The following CYP2R1 variants were observed in gnomAD, a reference collection of about 807,000 sequenced individuals.
The protein encoded by CYP2R1 is vitamin D 25-hydroxylase.
In CYP2R1, 40 loss-of-function variants were observed where a neutral mutation model predicts 45.7. The ratio of observed to expected loss-of-function variants is 0.87; its 90% CI spans 0.68 to 1.14. CYP2R1 has a LOEUF of 1.14. Ranked by LOEUF, CYP2R1 falls within the 50% of genes most tolerant of loss-of-function variation. CYP2R1 has a pLI of 0.00. For missense variants in CYP2R1, 605 were observed against 602.6 expected (o/e 1.00, Z -0.04); for synonymous variants, 234 against 219.3 (o/e 1.07, Z -0.59).
chr11:14,879,251 G>T lies in CYP2R1; in HGVS notation c.1193C>A (p.Thr398Lys). The T allele has an allele frequency of 6.2e-7, 1 of 1,613,192 alleles. No homozygotes were observed. ...VVRGYSIPKG[T>K]TVITNLYSVH... Reference sequence around the variant, plus strand: ...AGAATAAAGATTTGTAATTACTGTTGTGCCTTTAGGAATGGAATAACCACG... The same window carrying T: ...AGAATAAAGATTTGTAATTACTGTTTTGCCTTTAGGAATGGAATAACCACG... The change falls in exon 4 of 5, where the codon ACA becomes AAA. Residue 398 changes from threonine to lysine, a missense_variant. Coordinates refer to ENST00000334636, the MANE Select transcript of CYP2R1 (RefSeq NM_024514.5).
chr11:14,885,741 T>C (rs1555014192), intron 2 of CYP2R1, 35 bp downstream of exon 2: 1 of 1,596,846 alleles, frequency 6.3e-7, no homozygotes, highest in East Asian at 2.2e-5. Flanking sequence ...TTAAAATATC[T>C]TAGTAAATCA....
chr11:14,885,680 T>TA, intron 2 of CYP2R1, 96 bp downstream of exon 2: 1 of 1,288,308 alleles, frequency 7.8e-7, no homozygotes, highest in Non-Finnish European at 1.1e-6. Context: ...TATTAATCAG[T>TA]ATAAAATAAT....
intron 1 of CYP2R1, chr11:14,890,476 G>T: frequency 2.1e-6 from 2 of 973,868 alleles, no homozygotes; most frequent in Non-Finnish European, 1.2e-6. Flanking sequence ...TAAACTATTC[G>T]TGAACCATGA....
At chr11:14,885,751 A>T in intron 2 of CYP2R1, 25 bp downstream of exon 2, 1 of 1,609,012 alleles carries the variant, frequency 6.2e-7, no homozygotes, top group Non-Finnish European at 8.5e-7. Flanking sequence ...TTAGTAAATC[A>T]CTAAATAGGT....
intron 1 of CYP2R1, among the ~76,000 whole-genome samples, chr11:14,889,855 G>A (rs1052421149): frequency 4.6e-5 from 7 of 152,148 alleles, no homozygotes; most frequent in African/African-American, 1.2e-4. Context: ...TAGGCCGGGC[G>A]CAGTGGCTCA....
Position 14,877,885 on chromosome 11 carries a change from C to A in CYP2R1, c.*237G>T. The A allele has an allele frequency of 2.0e-6, 1 of 497,930 alleles. No individual in the cohort carries two copies. The highest frequency in any genetic ancestry group is 3.5e-6 in the Non-Finnish European group (1 of 283,516). The allele number at this position is 497,930 out of a possible 1,614,324, so 30.8% of individuals were successfully genotyped here. Reference sequence around the variant, plus strand: ...CCTTCTTAGCATTTTAAGCAACACCCATCATTTGCACCTTTGTGTCTCTCA... The same window carrying A: ...CCTTCTTAGCATTTTAAGCAACACCAATCATTTGCACCTTTGTGTCTCTCA... On this transcript the variant is annotated 3_prime_UTR_variant, in exon 5 of 5. Coordinates refer to ENST00000334636, the MANE Select transcript of CYP2R1 (RefSeq NM_024514.5).
At chr11:14,879,601 T>G (rs1848297145) in intron 3 of CYP2R1, among the ~76,000 whole-genome samples, 158 bp from the exon 4 acceptor site, 1 of 152,002 alleles carries the variant, frequency 6.6e-6, no homozygotes, top group African/African-American at 2.4e-5. Flanking sequence ...TCTATTGAAA[T>G]ATATGCTATA....
At position 14,880,242 on chromosome 11, in the gene CYP2R1, T is replaced by A. The variant is rs1321133009; in HGVS notation, c.894A>T (p.Glu298Asp). 13 of 1,612,888 alleles carry A rather than the reference T, an allele frequency of 8.1e-6. No homozygotes were observed. The highest frequency in any genetic ancestry group is 1.1e-5 in the Non-Finnish European group (13 of 1,179,360). Residue 298 changes from glutamate (E) to aspartate (D), a missense_variant, in exon 3 of 5, where the codon GAA (glutamate) becomes GAT (aspartate). Coordinates refer to ENST00000334636, the MANE Select transcript of CYP2R1 (RefSeq NM_024514.5). Reference sequence around the variant, plus strand: ...GTTCACCCACTGAGAAAATTAGGTTTTCTTTGGAGAAAGTAGATGATGGGT... The same window carrying A: ...GTTCACCCACTGAGAAAATTAGGTTATCTTTGGAGAAAGTAGATGATGGGT... Reference protein sequence around the residue: ...KNDPSSTFSKENLIFSVGELI... With the variant: ...KNDPSSTFSKDNLIFSVGELI...
chr11:14,885,077 T>C (rs1555013934), intron 2 of CYP2R1, among the ~76,000 whole-genome samples: 1 of 152,206 alleles, frequency 6.6e-6, no homozygotes, highest in East Asian at 1.9e-4. Flanking sequence ...TTTTTGCCTA[T>C]GTAAGCAAGA....
At chr11:14,891,643 C>T in intron 1 of CYP2R1, 2 of 1,123,688 alleles carry the variant, frequency 1.8e-6, no homozygotes, top group South Asian at 2.5e-5. Context: ...GGCATGCGTC[C>T]ACCCTGGACC....
At chr11:14,880,793 T>C in intron 2 of CYP2R1, 25 bp from the exon 3 acceptor site, 1 of 1,583,938 alleles carries the variant, frequency 6.3e-7, no homozygotes, top group Non-Finnish European at 8.6e-7. Context: ...TAAAATATTG[T>C]ATAATTCCTA....
rs782027522 is a variant in CYP2R1 at position 14,885,767 on chromosome 11, TA to T, written c.367+8del. Reference sequence around the variant, plus strand: ...TAGTAAATCACTAAATAGGTGCAAATAAACATACCTCCCATTTTTGTCATCT... The same window carrying T: ...TAGTAAATCACTAAATAGGTGCAAATAACATACCTCCCATTTTTGTCATCT... On this transcript the variant is annotated splice_region_variant and intron_variant, in intron 2 of 4. Transcript: ENST00000334636. 1.2e-6 allele frequency: 2 copies of T among 1,611,616 alleles called. No individual in the cohort carries two copies. Among genetic ancestry groups the T allele is most frequent in the African/African-American group, 1.3e-5 (1 of 74,846 alleles).
intron 1 of CYP2R1, among the ~76,000 whole-genome samples, chr11:14,888,328 T>C (rs1044169482): frequency 3.9e-5 from 6 of 152,216 alleles, no homozygotes; most frequent in African/African-American, 1.4e-4. Context: ...CATATGACAA[T>C]AGAAATATAT....
intron 1 of CYP2R1, among the ~76,000 whole-genome samples, chr11:14,889,177 T>TTTC (rs1565188161): frequency 6.6e-6 from 1 of 151,950 alleles, no homozygotes; most frequent in African/African-American, 2.4e-5. Context: ...TTTTTTTTTT[T>TTTC]TTCTGTGAGC....
chr11:14,881,693 C>A (rs1271340956), intron 2 of CYP2R1, among the ~76,000 whole-genome samples: 2 of 152,074 alleles, frequency 1.3e-5, no homozygotes, highest in Non-Finnish European at 2.9e-5. Flanking sequence ...TTAAGGACCT[C>A]TCCCTACTTG....
In CYP2R1 at chr11:14,890,605, G is replaced by A. The variant is rs186999566; in HGVS notation, c.225+1376C>T. The A allele has an allele frequency of 4.5e-3, 950 of 210,830 alleles. 4 individuals carry two copies. Among genetic ancestry groups the A allele is most frequent in the Middle Eastern group, 9.8e-3 (3 of 306 alleles). The allele number at this position is 210,830 out of a possible 1,614,324, so 13.1% of individuals were successfully genotyped here. ...TCTGTTGCCCAGGCTGGAGTGCAGT[G>A]GCGCGATCTCGGCTCACTGAAAGCT... On this transcript the variant is annotated intron_variant, in intron 1 of 4. Transcript: ENST00000334636.
chr11:14,882,782 C>T (rs1344911224), intron 2 of CYP2R1, among the ~76,000 whole-genome samples: 1 of 152,116 alleles, frequency 6.6e-6, no homozygotes, highest in Non-Finnish European at 1.5e-5. Context: ...AACGAGAAAA[C>T]CCCACTGTCT....
At position 14,892,087 on chromosome 11, in the gene CYP2R1, G is replaced by T. The variant is rs1555017322; in HGVS notation, c.119C>A (p.Pro40His). 6.2e-7 allele frequency: 1 copy of T among 1,611,924 alleles called. No individual in the cohort carries two copies. ...AAATGGCAGCCCCGGCGGCCCCGGG[G>T]GGAAGCCCATCGGCCGCCTCTGCTT... ...LLKQRRPMGF[P>H]PGPPGLPFIG... Residue 40 changes from proline (P) to histidine (H), a missense_variant, in exon 1 of 5, where the codon CCC becomes CAC. By Grantham distance (77) the Pro-to-His change is moderately conservative. Transcript: ENST00000334636.
At chr11:14,887,925 C>T (rs1214732637) in intron 1 of CYP2R1, among the ~76,000 whole-genome samples, 1 of 152,242 alleles carries the variant, frequency 6.6e-6, no homozygotes, top group Non-Finnish European at 1.5e-5. Context: ...AACCTCCTAA[C>T]TGGCCTCCCT....
Sources: allele counts gnomAD v4.1 joint callset (sites outside exome capture counted in the v4.1 genomes callset), GRCh38; gene constraint gnomAD v4.1.1; transcripts MANE v1.5; gene names NCBI Gene and HGNC (gene_info 2026-07-23, HGNC 2026-07-21).